ANKUB1: variants seen among roughly 807,000 people sequenced by gnomAD.
ANKUB1 encodes protein ANKUB1.
ANKUB1 carries 42 observed loss-of-function variants against 49.3 expected under a neutral mutation model. The observed-to-expected ratio is 0.85, with a 90% CI of 0.67 to 1.10. ANKUB1 has a LOEUF of 1.10. Among genes scored for constraint, ANKUB1 ranks in the 50% least tolerant of loss-of-function variants. The probability of loss-of-function intolerance (pLI) is 0.00; values close to 1 mark genes in which losing one functional copy is unlikely to be tolerated. For synonymous variants in ANKUB1, 222 were observed against 231.0 expected (o/e 0.96, Z 0.35); for missense variants, 613 against 642.0 (o/e 0.95, Z 0.49).
intron 5 of ANKUB1, among the ~76,000 whole-genome samples, chr3:149,765,198 CA>C (rs964674666): frequency 4.6e-5 from 7 of 151,762 alleles, no homozygotes; most frequent in African/African-American, 1.7e-4. Flanking sequence ...ATGTGTTGAA[CA>C]AAAAAAGCAA....
intron 5 of ANKUB1, among the ~76,000 whole-genome samples, chr3:149,761,831 C>T (rs1023676362): frequency 6.6e-6 from 1 of 152,124 alleles, no homozygotes; most frequent in African/African-American, 2.4e-5. Context: ...ACTTAGAATC[C>T]ACAACTAGAA....
chr3:149,767,984 G>A lies in ANKUB1; in HGVS notation c.678C>T (p.Pro226=). 1.3e-6 allele frequency: 2 copies of A among 1,533,494 alleles called. No homozygotes were observed. The highest frequency in any genetic ancestry group is 1.8e-6 in the Non-Finnish European group (2 of 1,134,708). The allele number at this position is 1,533,494 out of a possible 1,614,324, so 95.0% of individuals were successfully genotyped here. Residue 226 remains proline, a synonymous_variant, in exon 5 of 6, where the codon CCC becomes CCT. Coordinates refer to ENST00000446160, the MANE Select transcript of ANKUB1 (RefSeq NM_001144960.3). ...ARPHEAVGVH[P]YRAWCHEALH... is the part of the protein sequence containing the mutation. Reference sequence around the variant, plus strand: ...GGGCTTCATGGCACCATGCTCGATAGGGGTGAACACCGACTGCCTCGTGGG... The same window carrying A: ...GGGCTTCATGGCACCATGCTCGATAAGGGTGAACACCGACTGCCTCGTGGG...
chr3:149,778,885 GTA>G (rs1420635879), intron 3 of ANKUB1: 1 of 152,196 alleles, frequency 6.6e-6, no homozygotes, highest in African/African-American at 2.4e-5. Flanking sequence ...AAAGCCCTAT[GTA>G]TATGTTGGGA....
intron 3 of ANKUB1, among the ~76,000 whole-genome samples, chr3:149,771,697 G>T (rs904357654): frequency 3.3e-5 from 5 of 151,830 alleles, no homozygotes; most frequent in African/African-American, 1.2e-4. Flanking sequence ...TTCACGACTT[G>T]CCGTATAGCC....
intron 5 of ANKUB1, 186 bp downstream of exon 5, chr3:149,766,971 G>A (rs1260611398): frequency 3.0e-6 from 3 of 1,004,816 alleles, no homozygotes; most frequent in Non-Finnish European, 3.0e-6. Flanking sequence ...GATTGGATTG[G>A]CCAATAATAT....
chr3:149,790,681 A>G, intron 2 of ANKUB1, 100 bp downstream of exon 2: 1 of 1,221,168 alleles, frequency 8.2e-7, no homozygotes, highest in Non-Finnish European at 1.1e-6. Context: ...AAAAAGAGAC[A>G]ATTTCTTTTT....
intron 2 of ANKUB1, among the ~76,000 whole-genome samples, chr3:149,784,949 G>C (rs1718027845): frequency 6.6e-6 from 1 of 151,932 alleles, no homozygotes; most frequent in African/African-American, 2.4e-5. Flanking sequence ...ATCTTATCTA[G>C]TACTATTCTA....
intron 5 of ANKUB1, chr3:149,766,941 G>T: frequency 9.3e-7 from 1 of 1,077,694 alleles, no homozygotes; most frequent in Non-Finnish European, 1.4e-6. Context: ...CTGAAAGTTT[G>T]AGGAGTAAAG....
At chr3:149,780,016 G>T (rs1289276499) in intron 3 of ANKUB1, 2 of 544,518 alleles carry the variant, frequency 3.7e-6, no homozygotes, top group Non-Finnish European at 6.6e-6. Context: ...CTAAGTGCTT[G>T]TAAGGCCAGG....
chr3:149,780,278 A>G lies in ANKUB1; in HGVS notation c.412T>C (p.Tyr138His), dbSNP rs1382473738. The change falls in exon 3 of 6, where the codon TAT becomes CAT. Residue 138 changes from tyrosine to histidine, a missense_variant. Transcript: ENST00000446160. ...TAGTCCTTGAGGGTGTTGCAATCAT[A>G]CATCTCCAGGCCCCTTGGGGTTCGG... ...CLRTPRGLEM[Y>H]DCNTLKDYQT... The G allele has an allele frequency of 3.2e-6, 5 of 1,551,732 alleles. No homozygotes were observed. Among genetic ancestry groups the G allele is most frequent in the Non-Finnish European group, 4.4e-6 (5 of 1,146,992 alleles).
At chr3:149,780,708 C>T (rs1717823868) in intron 2 of ANKUB1, among the ~76,000 whole-genome samples, 1 of 152,186 alleles carries the variant, frequency 6.6e-6, no homozygotes, top group Admixed American at 6.5e-5. Context: ...AGTCTACAGA[C>T]CCAGATACAT....
At chr3:149,764,988 C>T (rs958574109) in intron 5 of ANKUB1, among the ~76,000 whole-genome samples, 2 of 152,102 alleles carry the variant, frequency 1.3e-5, no homozygotes, top group Admixed American at 1.3e-4. Context: ...GAAGTGAACG[C>T]AGATGTCCAC....
chr3:149,789,112 A>G (rs1718243011), intron 2 of ANKUB1, among the ~76,000 whole-genome samples: 1 of 151,850 alleles, frequency 6.6e-6, no homozygotes, highest in Non-Finnish European at 1.5e-5. Flanking sequence ...TTCCTTTTGA[A>G]TTGAGAACCA....
At chr3:149,786,274 A>G (rs1367815876) in intron 2 of ANKUB1, among the ~76,000 whole-genome samples, 1 of 152,104 alleles carries the variant, frequency 6.6e-6, no homozygotes, top group African/African-American at 2.4e-5. Context: ...TGACCTCATG[A>G]TCTACCCACC....
At chr3:149,767,115 A>G (rs1031522599) in intron 5 of ANKUB1, 42 bp downstream of exon 5, 32 of 1,453,546 alleles carry the variant, frequency 2.2e-5, no homozygotes, top group African/African-American at 2.9e-5. Context: ...GACCTGCCTT[A>G]TAAAAGCTTT....
rs1251156782 is a variant in ANKUB1, at chr3:149,761,629, A to G, written c.1506-16T>C. ...TTTAAAGGCACTGCAAGAAAACAAG[A>G]TATAATTTGTAAGGAGGTCTGATCT... On this transcript the variant is annotated splice_polypyrimidine_tract_variant and intron_variant, in intron 5 of 5. Coordinates refer to ENST00000446160, the MANE Select transcript of ANKUB1 (RefSeq NM_001144960.3). The G allele has an allele frequency of 2.6e-6, 4 of 1,549,842 alleles. No homozygotes were observed. Among genetic ancestry groups the G allele is most frequent in the Non-Finnish European group, 2.6e-6 (3 of 1,146,294 alleles).
rs1717135487 is a variant in ANKUB1 at position 149,767,992 on chromosome 3, C to CACCG, written c.666_669dup (p.Val224ArgfsTer11). Reference sequence around the variant, plus strand: ...TGGCACCATGCTCGATAGGGGTGAACACCGACTGCCTCGTGGGGCCGCGCA... The same window carrying CACCG: ...TGGCACCATGCTCGATAGGGGTGAACACCGACCGACTGCCTCGTGGGGCCGCGCA... On this transcript the variant is annotated frameshift_variant, in exon 5 of 6. Coordinates refer to ENST00000446160, the MANE Select transcript of ANKUB1 (RefSeq NM_001144960.3). LOFTEE classifies it high-confidence loss of function. The CACCG allele has an allele frequency of 6.6e-7, 1 of 1,521,604 alleles. No individual in the cohort carries two copies. Among genetic ancestry groups the CACCG allele is most frequent in the Non-Finnish European group, 8.9e-7 (1 of 1,128,670 alleles). The allele number at this position is 1,521,604 out of a possible 1,614,324, so 94.3% of individuals were successfully genotyped here. A position where few individuals can be genotyped will look rare whatever the true frequency, so the allele number is the denominator to read the frequency against.
chr3:149,774,733 T>A (rs1717516390), intron 3 of ANKUB1, among the ~76,000 whole-genome samples: 1 of 152,252 alleles, frequency 6.6e-6, no homozygotes, highest in African/African-American at 2.4e-5. Flanking sequence ...ACAGTCCTGA[T>A]AATGCTCAGC....
At chr3:149,766,220 C>T (rs1423932187) in intron 5 of ANKUB1, among the ~76,000 whole-genome samples, 4 of 152,174 alleles carry the variant, frequency 2.6e-5, no homozygotes, top group Non-Finnish European at 5.9e-5. Context: ...TACCTTTTAA[C>T]TCACTGTAAA....
Sources: allele counts gnomAD v4.1 joint callset (sites outside exome capture counted in the v4.1 genomes callset), GRCh38; gene constraint gnomAD v4.1.1; transcripts MANE v1.5; gene names NCBI Gene and HGNC (gene_info 2026-07-23, HGNC 2026-07-21).